The following ZFHX3 variants were observed in gnomAD, a reference collection of about 807,000 sequenced individuals.
The protein encoded by ZFHX3 is zinc finger homeobox 3.
In ZFHX3, 42 loss-of-function variants were observed where a neutral mutation model predicts 279.1. The ratio of observed to expected loss-of-function variants is 0.15; its 90% CI spans 0.12 to 0.19. The LOEUF (loss-of-function observed/expected upper bound fraction) is 0.19. Ranked by LOEUF, ZFHX3 falls within the 10% of genes least tolerant of loss-of-function variation. The pLI, the probability that ZFHX3 is intolerant of heterozygous loss-of-function variation, is 1.00. For synonymous variants in ZFHX3, 2,293 were observed against 1,957.8 expected (o/e 1.17, Z -4.52); for missense variants, 4,981 against 4,754.0 (o/e 1.05, Z -1.40).
intron 1 of ZFHX3, among the ~76,000 whole-genome samples, chr16:73,832,573 C>T (rs2142359619): frequency 6.6e-6 from 1 of 152,262 alleles, no homozygotes; most frequent in South Asian, 2.1e-4. Context: ...CAGGGTCTCA[C>T]TCTGTTGCCC....
At chr16:73,412,813 T>C (rs2017497351) in intron 3 of ZFHX3, among the ~76,000 whole-genome samples, 3 of 152,218 alleles carry the variant, frequency 2.0e-5, no homozygotes, top group Admixed American at 6.5e-5. Flanking sequence ...TATTAGTACA[T>C]TGGATTCTTC....
chr16:73,607,678 A>G (rs1239100013), intron 2 of ZFHX3, among the ~76,000 whole-genome samples: 1 of 152,202 alleles, frequency 6.6e-6, no homozygotes, highest in Non-Finnish European at 1.5e-5. Context: ...CTACTTACCC[A>G]CAGGCAAGTT....
At chr16:73,788,318 T>C (rs914743501) in intron 1 of ZFHX3, among the ~76,000 whole-genome samples, 1 of 152,138 alleles carries the variant, frequency 6.6e-6, no homozygotes, top group Non-Finnish European at 1.5e-5. Context: ...ATTCAGTGGA[T>C]AAAGGTCATC....
intron 1 of ZFHX3, among the ~76,000 whole-genome samples, chr16:73,038,954 C>T (rs985541613): frequency 5.3e-5 from 8 of 151,760 alleles, no homozygotes; most frequent in Non-Finnish European, 8.8e-5. Flanking sequence ...TGCACCACCA[C>T]GCCCGGCTAA....
At chr16:73,830,058 T>G (rs1169935924) in intron 1 of ZFHX3, among the ~76,000 whole-genome samples, 1,587 of 117,898 alleles carry the variant, frequency 0.013, no homozygotes, top group Non-Finnish European at 0.019. Flanking sequence ...ATCAGCGAGA[T>G]TCCGTGGGTG....
intron 2 of ZFHX3, among the ~76,000 whole-genome samples, chr16:73,602,372 A>G (rs545680005): frequency 6.6e-6 from 1 of 152,260 alleles, no homozygotes; most frequent in Admixed American, 6.5e-5. Context: ...CTTCCATTTT[A>G]CCATGGAATG....
chr16:73,808,437 C>A (rs1458186309), intron 1 of ZFHX3: 1 of 152,190 alleles, frequency 6.6e-6, no homozygotes, highest in Non-Finnish European at 1.5e-5. Flanking sequence ...CTGTAAGCTT[C>A]TGTGAGTGAG....
chr16:73,656,412 C>G (rs1397551835), intron 2 of ZFHX3, among the ~76,000 whole-genome samples: 1 of 152,182 alleles, frequency 6.6e-6, no homozygotes, highest in Non-Finnish European at 1.5e-5. Flanking sequence ...GGGATGCATA[C>G]ATATGTTGTA....
chr16:73,832,153 C>A (rs1043604619), intron 1 of ZFHX3, among the ~76,000 whole-genome samples: 4 of 152,182 alleles, frequency 2.6e-5, no homozygotes, highest in East Asian at 1.9e-4. Flanking sequence ...CCTGCCTCAG[C>A]CTCCCAAAGT....
intron 1 of ZFHX3, among the ~76,000 whole-genome samples, chr16:73,033,687 C>T (rs1964793057): frequency 6.6e-6 from 1 of 152,160 alleles, no homozygotes; most frequent in South Asian, 2.1e-4. Context: ...GGAGGCCAGC[C>T]TGTTAAAGGA....
chr16:73,211,547 C>T (rs1337743663), intron 5 of ZFHX3, among the ~76,000 whole-genome samples: 4 of 152,220 alleles, frequency 2.6e-5, no homozygotes, highest in African/African-American at 7.2e-5. Context: ...CTAATGAAGG[C>T]ATCCTGCTAG....
intron 1 of ZFHX3, among the ~76,000 whole-genome samples, chr16:73,731,009 A>G (rs931789727): frequency 2.0e-5 from 3 of 152,196 alleles, no homozygotes; most frequent in Non-Finnish European, 4.4e-5. Context: ...GTCTATCTTC[A>G]TATGTCAAAC....
At chr16:73,439,568 T>C (rs2018051043) in intron 3 of ZFHX3, among the ~76,000 whole-genome samples, 2 of 152,172 alleles carry the variant, frequency 1.3e-5, no homozygotes, top group South Asian at 2.1e-4. Flanking sequence ...GTGTGATGTA[T>C]GAAAAGCAGA....
chr16:73,190,057 G>C (rs918575648), intron 5 of ZFHX3, among the ~76,000 whole-genome samples: 17 of 152,198 alleles, frequency 1.1e-4, no homozygotes, highest in African/African-American at 4.1e-4. Flanking sequence ...CAGCGTCAGT[G>C]GTGAGCCTCC....
intron 1 of ZFHX3, among the ~76,000 whole-genome samples, chr16:73,831,487 T>C (rs572992856): frequency 2.0e-4 from 31 of 151,946 alleles, no homozygotes; most frequent in African/African-American, 7.5e-4. Context: ...GGAAGATGAG[T>C]ATCTACAGCA....
chr16:73,810,426 G>A (rs572545062), intron 1 of ZFHX3, among the ~76,000 whole-genome samples: 1 of 152,164 alleles, frequency 6.6e-6, no homozygotes, highest in East Asian at 1.9e-4. Flanking sequence ...TATTAACCTA[G>A]ATAACCTCTA....
At chr16:73,055,549 T>G (rs959269878) in intron 1 of ZFHX3, among the ~76,000 whole-genome samples, 1 of 152,050 alleles carries the variant, frequency 6.6e-6, no homozygotes, top group Non-Finnish European at 1.5e-5. Flanking sequence ...AGATTCAAAC[T>G]CAATGTGACC....
chr16:73,743,349 TCTGA>T (rs1463215998), intron 1 of ZFHX3, among the ~76,000 whole-genome samples: 4 of 152,246 alleles, frequency 2.6e-5, no homozygotes, highest in African/African-American at 4.8e-5. Context: ...TGTGTAAATA[TCTGA>T]CTGTCTTTGT....
At chr16:73,578,139 T>A (rs1345020138) in intron 2 of ZFHX3, among the ~76,000 whole-genome samples, 4 of 152,332 alleles carry the variant, frequency 2.6e-5, no homozygotes, top group Non-Finnish European at 5.9e-5. Context: ...ATTATTTTTT[T>A]AAACACTCAA....
Sources: allele counts gnomAD v4.1 joint callset (sites outside exome capture counted in the v4.1 genomes callset), GRCh38; gene constraint gnomAD v4.1.1; transcripts MANE v1.5; gene names NCBI Gene and HGNC (gene_info 2026-07-23, HGNC 2026-07-21).